DTWD1: variants seen among roughly 807,000 people sequenced by gnomAD.
DTWD1 encodes DTW motif tRNA-uridine aminocarboxypropyltransferase 1.
A neutral mutation model predicts 30.2 loss-of-function variants in DTWD1; 27 were observed. That is an observed-to-expected ratio of 0.90 (90% CI 0.66 to 1.23). The LOEUF (loss-of-function observed/expected upper bound fraction) is 1.23. Ranked by LOEUF, DTWD1 falls within the 50% of genes most tolerant of loss-of-function variation. The probability of loss-of-function intolerance (pLI) is 0.00; values close to 1 mark genes in which losing one functional copy is unlikely to be tolerated. For missense variants in DTWD1, 342 were observed against 348.8 expected (o/e 0.98, Z 0.15); for synonymous variants, 99 against 113.1 (o/e 0.88, Z 0.79).
At chr15:49,626,294 A>G (rs1335750362) in intron 2 of DTWD1, among the ~76,000 whole-genome samples, 4 of 152,106 alleles carry the variant, frequency 2.6e-5, no homozygotes. Context: ...GACTTATCCT[A>G]TACATGGGGA....
intron 1 of DTWD1, among the ~76,000 whole-genome samples, chr15:49,624,824 G>A (rs370045226): frequency 2.6e-5 from 4 of 152,144 alleles, no homozygotes; most frequent in African/African-American, 9.7e-5. Context: ...TGATGCTAAC[G>A]TGAAACCATT....
At chr15:49,623,747 A>C (rs1443055424) in intron 1 of DTWD1, 1 of 152,176 alleles carries the variant, frequency 6.6e-6, no homozygotes, top group Non-Finnish European at 1.5e-5. Context: ...AATATCCTGC[A>C]CTTTCAGTCA....
chr15:49,636,743 A>G (rs1487504509), intron 4 of DTWD1, among the ~76,000 whole-genome samples: 3 of 152,172 alleles, frequency 2.0e-5, no homozygotes, highest in African/African-American at 7.2e-5. Context: ...TACTCTCAGA[A>G]ATGAACCTTT....
chr15:49,633,049 C>CTATATATATCTATATATA (rs2078948251), intron 3 of DTWD1, among the ~76,000 whole-genome samples: 113 of 117,338 alleles, frequency 9.6e-4, no homozygotes, highest in Non-Finnish European at 1.7e-3. Context: ...ATATCTATAT[C>CTATATATATCTATATATA]TATATATATA....
chr15:49,621,700 G>A (rs950859632), intron 1 of DTWD1, among the ~76,000 whole-genome samples: 1 of 152,162 alleles, frequency 6.6e-6, no homozygotes, highest in Non-Finnish European at 1.5e-5. Context: ...CAATACTGTA[G>A]ATCGCAGCAT....
At chr15:49,633,587 G>C (rs1003432987) in intron 3 of DTWD1, 3 of 272,112 alleles carry the variant, frequency 1.1e-5, no homozygotes, top group African/African-American at 2.3e-5. Context: ...CTCTCACCTT[G>C]GCCTCCCAAA....
At chr15:49,621,288 C>G (rs1250964460) in intron 1 of DTWD1, 166 bp downstream of exon 1, 1 of 152,032 alleles carries the variant, frequency 6.6e-6, no homozygotes, top group Non-Finnish European at 1.5e-5. Flanking sequence ...TCTGCGCGGT[C>G]TCTTGCTTTT....
chr15:49,636,840 G>A (rs2079009124), intron 4 of DTWD1, among the ~76,000 whole-genome samples: 1 of 152,124 alleles, frequency 6.6e-6, no homozygotes, highest in Admixed American at 6.5e-5. Flanking sequence ...AATGCAAATT[G>A]TCTATCATTT....
chr15:49,624,659 GACACACTC>G, intron 1 of DTWD1, among the ~76,000 whole-genome samples: 1 of 152,148 alleles, frequency 6.6e-6, no homozygotes, highest in Non-Finnish European at 1.5e-5. Flanking sequence ...CATGTACACA[GACACACTC>G]ACACATATGT....
rs529344856 is a variant in DTWD1 at position 49,654,016 on chromosome 15, G to A, written c.*10438G>A. ...AGGAATAGCCTCTTCCTTTGGTGTA[G>A]GGGGACCCTGAAAACAATTTAATTT... On this transcript the variant is annotated 3_prime_UTR_variant, in exon 5 of 5. Coordinates refer to ENST00000403028, the MANE Select transcript of DTWD1 (RefSeq NM_001144955.2). The A allele has an allele frequency of 6.6e-6, 1 of 152,176 alleles. No individual in the cohort carries two copies. Among genetic ancestry groups the A allele is most frequent in the South Asian group, 2.1e-4 (1 of 4,824 alleles). The allele number at this position is 152,176 out of a possible 1,614,324, so 9.4% of individuals were successfully genotyped here.
chr15:49,634,441 T>G, intron 3 of DTWD1, 95 bp from the exon 4 acceptor site: 1 of 1,360,156 alleles, frequency 7.4e-7, no homozygotes, highest in East Asian at 2.4e-5. Context: ...TTCTCAGATA[T>G]TCAACATATC....
At chr15:49,635,479 T>TTTGTTGTTC (rs2078988998) in intron 4 of DTWD1, among the ~76,000 whole-genome samples, 1 of 152,088 alleles carries the variant, frequency 6.6e-6, no homozygotes, top group Non-Finnish European at 1.5e-5. Flanking sequence ...TTACAGGTTT[T>TTTGTTGTTC]TTGTTGTTCT....
rs928791394 is a variant in DTWD1 at position 49,651,980 on chromosome 15, T to A, written c.*8402T>A. 9.9e-5 allele frequency: 15 copies of A among 152,030 alleles called. No individual in the cohort carries two copies. The highest frequency in any genetic ancestry group is 3.6e-4 in the African/African-American group (15 of 41,382). 9.4% of individuals were successfully genotyped at this position (152,030 alleles called of 1,614,324 possible). On this transcript the variant is annotated 3_prime_UTR_variant, in exon 5 of 5. Transcript: ENST00000403028. ...ATTCTACAAGGATAGGATGCCATAC[T>A]CCAAGATACAGAGTATGTACTGGAT... is the stretch of plus-strand genomic sequence containing the variant.
intron 2 of DTWD1, among the ~76,000 whole-genome samples, chr15:49,631,774 AAAAAT>A (rs1218243428): frequency 6.6e-6 from 1 of 152,308 alleles, no homozygotes; most frequent in Admixed American, 6.5e-5. Flanking sequence ...ATAAATAAAT[AAAAAT>A]AAAATAAAAT....
At position 49,655,844 on chromosome 15, in the gene DTWD1, T is replaced by C. The variant is rs1234207678; in HGVS notation, c.*12266T>C. 6.6e-6 allele frequency: 1 copy of C among 152,096 alleles called. No homozygotes were observed. The highest frequency in any genetic ancestry group is 1.9e-4 in the East Asian group (1 of 5,170). 9.4% of individuals were successfully genotyped at this position (152,096 alleles called of 1,614,324 possible). On this transcript the variant is annotated 3_prime_UTR_variant, in exon 5 of 5. Coordinates refer to ENST00000403028, the MANE Select transcript of DTWD1 (RefSeq NM_001144955.2). ...AGTAGAGAATACTTCAAGAGTATTC[T>C]AGGTATGCACTAAGTTTATGGGAAG...
At chr15:49,628,997 C>T (rs185394649) in intron 2 of DTWD1, among the ~76,000 whole-genome samples, 2 of 152,228 alleles carry the variant, frequency 1.3e-5, no homozygotes, top group East Asian at 3.9e-4. Context: ...GCTCCCCACC[C>T]CCAGACGGGC....
Position 49,654,220 on chromosome 15 carries a change from T to A in DTWD1, c.*10642T>A, listed in dbSNP as rs149121796. ...TGATAAGATTCTGAACTTAAACTTA[T>A]GCCATAATGGAGTGAGACTCTTAGG... On this transcript the variant is annotated 3_prime_UTR_variant, in exon 5 of 5. Transcript: ENST00000403028. 27 of 152,218 alleles carry A rather than the reference T, an allele frequency of 1.8e-4. No homozygotes were observed. Among genetic ancestry groups the A allele is most frequent in the African/African-American group, 6.0e-4 (25 of 41,566 alleles). 9.4% of individuals were successfully genotyped at this position (152,218 alleles called of 1,614,324 possible).
rs1172896839 is a variant in DTWD1 at position 49,646,351 on chromosome 15, A to C, written c.*2773A>C. The stretch of plus-strand genomic sequence containing the variant: ...TCAGATCATCTTCTTCAAGTACCTT[A>C]GAAGATTCTCAGTCTCATGTTTCTT... On this transcript the variant is annotated 3_prime_UTR_variant, in exon 5 of 5. Transcript: ENST00000403028. The C allele has an allele frequency of 6.6e-6, 1 of 152,190 alleles. No homozygotes were observed. Among genetic ancestry groups the C allele is most frequent in the African/African-American group, 2.4e-5 (1 of 41,440 alleles). The allele number at this position is 152,190 out of a possible 1,614,324, so 9.4% of individuals were successfully genotyped here.
rs1329410989 is a variant in DTWD1 at position 49,648,273 on chromosome 15, A to C, written c.*4695A>C. 6.6e-6 allele frequency: 1 copy of C among 152,136 alleles called. No homozygotes were observed. The highest frequency in any genetic ancestry group is 2.4e-5 in the African/African-American group (1 of 41,430). 9.4% of individuals were successfully genotyped at this position (152,136 alleles called of 1,614,324 possible). On this transcript the variant is annotated 3_prime_UTR_variant, in exon 5 of 5. Transcript: ENST00000403028. ...CATTGAGTTTCTAGCTGGATTGCAG[A>C]GATGAGCCAAAGCGCTTCTCCCCAA...
Sources: allele counts gnomAD v4.1 joint callset (sites outside exome capture counted in the v4.1 genomes callset), GRCh38; gene constraint gnomAD v4.1.1; transcripts MANE v1.5; gene names NCBI Gene and HGNC (gene_info 2026-07-23, HGNC 2026-07-21).